The following DPP6 variants were observed in gnomAD, a reference collection of about 807,000 sequenced individuals.
DPP6 encodes A-type potassium channel modulatory protein DPP6.
Under a neutral mutation model 122.6 loss-of-function variants are expected in DPP6, and 69 were observed. That is an observed-to-expected ratio of 0.56 (90% confidence interval 0.46 to 0.69). The LOEUF is 0.69. DPP6 is among the 30% of genes least tolerant of loss of function. The pLI is 0.00. For missense variants in DPP6, 928 were observed against 1,116.9 expected (o/e 0.83, Z 2.41); for synonymous variants, 418 against 433.1 (o/e 0.97, Z 0.43).
intron 1 of DPP6, among the ~76,000 whole-genome samples, chr7:154,111,098 C>T (rs1001702617): frequency 1.3e-5 from 2 of 152,184 alleles, no homozygotes; most frequent in Admixed American, 1.3e-4. Flanking sequence ...CAAATAGGTA[C>T]AGAAAGAAGG....
intron 1 of DPP6, among the ~76,000 whole-genome samples, chr7:154,046,625 A>C (rs1019107289): frequency 6.6e-6 from 1 of 152,250 alleles, no homozygotes; most frequent in Non-Finnish European, 1.5e-5. Context: ...GGGGTTTGTC[A>C]CGTAAAGGAA....
At chr7:154,411,011 C>T (rs1011091125) in intron 1 of DPP6, among the ~76,000 whole-genome samples, 8 of 152,130 alleles carry the variant, frequency 5.3e-5, no homozygotes, top group African/African-American at 9.7e-5. Context: ...GCCCCAACTC[C>T]GTGAAAAATT....
intron 1 of DPP6, among the ~76,000 whole-genome samples, chr7:154,177,676 A>T (rs1050252678): frequency 2.0e-5 from 3 of 152,166 alleles, no homozygotes; most frequent in African/African-American, 7.2e-5. Flanking sequence ...TGTGATATGA[A>T]AATTTGGACT....
the DPP6 span, among the ~76,000 whole-genome samples, chr7:153,866,294 C>A: frequency 6.6e-6 from 1 of 152,156 alleles, no homozygotes; most frequent in Admixed American, 6.5e-5. Context: ...TCCTATTTCT[C>A]TACATCCTCT....
At chr7:153,889,476 G>A (rs897330393) in intron 1 of DPP6, among the ~76,000 whole-genome samples, 4 of 152,072 alleles carry the variant, frequency 2.6e-5, no homozygotes, top group African/African-American at 9.7e-5. Context: ...TACTGATAAG[G>A]CAACATTATT....
the DPP6 span, among the ~76,000 whole-genome samples, chr7:153,800,622 C>T: frequency 1.3e-5 from 2 of 152,088 alleles, no homozygotes; most frequent in African/African-American, 2.4e-5. Context: ...GTTCAAGCCA[C>T]TCTCCTGCCT....
Position 154,731,971 on chromosome 7 carries a change from C to T in DPP6, c.883+4084C>T, listed in dbSNP as rs56855130. 2.9e-3 allele frequency among the ~76,000 whole-genome samples: 445 copies of T among 152,098 alleles called. 3 individuals carry two copies. Among genetic ancestry groups the T allele is most frequent in the African/African-American group, 9.2e-3 (382 of 41,500 alleles). ...AGTTTTGATGAAAGTTCTTTGTTAC[C>T]GCCATTACATGGTTGATTGTGTTTC... On this transcript the variant is annotated intron_variant, in intron 8 of 25. Coordinates refer to ENST00000377770, the MANE Select transcript of DPP6 (RefSeq NM_130797.4).
chr7:153,831,458 A>G, the DPP6 span, among the ~76,000 whole-genome samples: 1 of 152,190 alleles, frequency 6.6e-6, no homozygotes, highest in East Asian at 1.9e-4. Context: ...GAAGAGGGAC[A>G]GAGAGGAGGT....
the DPP6 span, among the ~76,000 whole-genome samples, chr7:153,804,317 G>T: frequency 1.3e-5 from 2 of 152,042 alleles, no homozygotes; most frequent in Non-Finnish European, 2.9e-5. Flanking sequence ...CTCCCAAAGT[G>T]CTGAGATTAC....
At chr7:153,796,573 G>A in the DPP6 span, among the ~76,000 whole-genome samples, 2 of 152,068 alleles carry the variant, frequency 1.3e-5, no homozygotes, top group African/African-American at 4.8e-5. Context: ...TATTTACGGT[G>A]GGTCCCTGGG....
At chr7:154,353,570 G>A (rs1811047620) in intron 1 of DPP6, among the ~76,000 whole-genome samples, 1 of 152,080 alleles carries the variant, frequency 6.6e-6, no homozygotes, top group Non-Finnish European at 1.5e-5. Flanking sequence ...AAGTGGACAG[G>A]GCTTGTGATG....
intron 8 of DPP6, among the ~76,000 whole-genome samples, chr7:154,733,000 C>A (rs1842410465): frequency 6.6e-6 from 1 of 152,290 alleles, no homozygotes; most frequent in South Asian, 2.1e-4. Flanking sequence ...TCCATGGCAC[C>A]CTCCCCATTT....
chr7:154,768,207 TCTC>T (rs1254011151), intron 8 of DPP6, among the ~76,000 whole-genome samples: 2 of 152,218 alleles, frequency 1.3e-5, no homozygotes, highest in South Asian at 2.1e-4. Flanking sequence ...GGCCAGCTGG[TCTC>T]CTCCTGGTGC....
the DPP6 span, among the ~76,000 whole-genome samples, chr7:153,843,871 C>T: frequency 3.9e-5 from 6 of 152,100 alleles, no homozygotes; most frequent in East Asian, 1.9e-4. Flanking sequence ...GCTAGACAAC[C>T]GGTCAGACCA....
intron 1 of DPP6, among the ~76,000 whole-genome samples, chr7:154,160,478 G>A (rs745357743): frequency 3.7e-4 from 56 of 152,326 alleles, no homozygotes; most frequent in Non-Finnish European, 6.5e-4. Flanking sequence ...AGCAGGAAGT[G>A]CTTGTGTGGT....
chr7:154,202,887 T>G (rs552528583), intron 1 of DPP6, among the ~76,000 whole-genome samples: 1 of 152,326 alleles, frequency 6.6e-6, no homozygotes, highest in Non-Finnish European at 1.5e-5. Flanking sequence ...TTTTTCCAAA[T>G]GTCAGCTAAC....
intron 1 of DPP6, among the ~76,000 whole-genome samples, chr7:154,003,006 C>T (rs533634597): frequency 6.6e-6 from 1 of 151,954 alleles, no homozygotes; most frequent in East Asian, 1.9e-4. Context: ...TAAAACAGGG[C>T]CTTTTGAGGG....
intron 3 of DPP6, among the ~76,000 whole-genome samples, chr7:154,488,570 A>G (rs1358195669): frequency 1.3e-5 from 2 of 151,848 alleles, no homozygotes; most frequent in African/African-American, 2.4e-5. Flanking sequence ...TACTCCTCAT[A>G]CTAGATGTGT....
rs1171345932 is a variant in DPP6 at position 154,755,071 on chromosome 7, C to T, written c.884-14346C>T. Reference sequence around the variant, plus strand: ...TGACGGGTTGATAGATGCAGCAAACCACCACGGCACATGTATACCTATGTA... The same window carrying T: ...TGACGGGTTGATAGATGCAGCAAACTACCACGGCACATGTATACCTATGTA... On this transcript the variant is annotated intron_variant, in intron 8 of 25. Coordinates refer to ENST00000377770, the MANE Select transcript of DPP6 (RefSeq NM_130797.4). This position sits in a 1 kb window ranked among gnomAD's most constrained non-coding sequence, Gnocchi z 4.7. 6.6e-6 allele frequency among the ~76,000 whole-genome samples: 1 copy of T among 151,390 alleles called. No homozygotes were observed. The highest frequency in any genetic ancestry group is 1.5e-5 in the Non-Finnish European group (1 of 67,942).
Sources: gnomAD v4.1 joint callset for allele counts (sites outside exome capture counted in the v4.1 genomes callset) on GRCh38, gnomAD v4.1.1 for gene constraint, Gnocchi (gnomAD v3.1) non-coding constraint, MANE v1.5 for transcripts, NCBI Gene and HGNC (gene_info 2026-07-23, HGNC 2026-07-21) for gene names.